ANKRD62: variants seen among roughly 807,000 people sequenced by gnomAD.
ANKRD62 encodes the protein ankyrin repeat domain 62, also known as ankyrin repeat domain-containing protein 62.
A neutral mutation model predicts 98.8 loss-of-function variants in ANKRD62; 61 were observed. The observed-to-expected ratio is 0.62, with a 90% CI of 0.50 to 0.76. The LOEUF (loss-of-function observed/expected upper bound fraction) is 0.76, where lower values mean the gene tolerates loss of function less well. ANKRD62 is among the 30% of genes least tolerant of loss of function. The pLI is 0.00. For missense variants in ANKRD62, 933 were observed against 1,082.9 expected (o/e 0.86, Z 1.94); for synonymous variants, 341 against 367.9 (o/e 0.93, Z 0.84).
Position 12,094,021 on chromosome 18 carries a change from G to A in ANKRD62, c.4G>A (p.Glu2Lys), listed in dbSNP as rs1909107740. Reference sequence around the variant, plus strand: ...GGAGAAGATCTCTGGCTTCAGGATGGAGGTCAGGGGGTCGTTCCTGGCGGC... The same window carrying A: ...GGAGAAGATCTCTGGCTTCAGGATGAAGGTCAGGGGGTCGTTCCTGGCGGC... MEVRGSFLAACR... is the reference protein window; with the variant it reads MKVRGSFLAACR... The change falls in exon 1 of 14, where the codon GAG becomes AAG. Residue 2 changes from glutamate (E) to lysine (K), a missense_variant. Glu to Lys is a moderately conservative substitution (Grantham distance 56). Coordinates refer to ENST00000587848, the MANE Select transcript of ANKRD62 (RefSeq NM_001277333.2). 4.6e-6 allele frequency: 7 copies of A among 1,534,958 alleles called. No homozygotes were observed. Among genetic ancestry groups the A allele is most frequent in the Middle Eastern group, 1.7e-4 (1 of 5,734 alleles).
the ANKRD62 span, among the ~76,000 whole-genome samples, chr18:12,159,802 T>C: frequency 6.6e-6 from 1 of 152,210 alleles, no homozygotes; most frequent in Non-Finnish European, 1.5e-5. Flanking sequence ...GCTTATTATT[T>C]TTTACCATAA....
chr18:12,179,523 T>C, the ANKRD62 span, among the ~76,000 whole-genome samples: 1 of 150,448 alleles, frequency 6.6e-6, no homozygotes, highest in Admixed American at 6.6e-5. Context: ...GGTTTAACTA[T>C]GTCCTTTAAA....
intron 4 of ANKRD62, among the ~76,000 whole-genome samples, chr18:12,097,107 AAT>A (rs763517798): frequency 9.9e-5 from 15 of 152,170 alleles, no homozygotes; most frequent in Non-Finnish European, 2.1e-4. Context: ...AGAGGATAAT[AAT>A]ATATCCTTCC....
At position 12,115,105 on chromosome 18, in the gene ANKRD62, C is replaced by G. The variant is rs1383498978; in HGVS notation, c.1082C>G (p.Ser361Cys). 5 of 1,394,372 alleles carry G rather than the reference C, an allele frequency of 3.6e-6. No individual in the cohort carries two copies. The Admixed American group carries it at 9.3e-5, about 26-fold the overall frequency. The allele number at this position is 1,394,372 out of a possible 1,614,324, so 86.4% of individuals were successfully genotyped here. A position where few individuals can be genotyped will look rare whatever the true frequency, so the allele number is the denominator to read the frequency against. The change falls in exon 9 of 14, where the codon TCT (serine) becomes TGT (cysteine). Residue 361 changes from serine to cysteine, a missense_variant. Ser to Cys is a moderately radical substitution (Grantham distance 112, BLOSUM62 -1). Coordinates refer to ENST00000587848, the MANE Select transcript of ANKRD62 (RefSeq NM_001277333.2). ...TTTTTTAGGCTTGCAAGGAAAACCT[C>G]TAATGAAAAGAGCAAGGTATTATAA... is the stretch of plus-strand genomic sequence containing the variant. ...GEFDRLARKT[S>C]NEKSKVKSQI... is the part of the protein sequence containing the mutation.
chr18:12,102,768 GT>G, intron 6 of ANKRD62: 1 of 999,276 alleles, frequency 1.0e-6, no homozygotes, highest in Non-Finnish European at 1.2e-6. Context: ...TAAGAAGCAG[GT>G]TTAGTGTGTT....
At chr18:12,151,392 G>A in the ANKRD62 span, among the ~76,000 whole-genome samples, 29 of 152,210 alleles carry the variant, frequency 1.9e-4, no homozygotes, top group African/African-American at 6.5e-4. Flanking sequence ...AATTAACAAA[G>A]GTATATGGGA....
intron 1 of ANKRD62, among the ~76,000 whole-genome samples, chr18:12,094,574 G>T (rs2143888756): frequency 7.6e-5 from 1 of 13,162 alleles, no homozygotes; most frequent in Non-Finnish European, 1.5e-4. Context: ...CTGTGGTGGG[G>T]GTAGAGTTGG....
chr18:12,167,660 A>T, the ANKRD62 span, among the ~76,000 whole-genome samples: 3 of 152,168 alleles, frequency 2.0e-5, no homozygotes, highest in Non-Finnish European at 1.5e-5. Flanking sequence ...CAGTAATAGG[A>T]TCACTAGGTC....
intron 6 of ANKRD62, chr18:12,102,466 C>A: frequency 6.9e-6 from 3 of 431,862 alleles, no homozygotes; most frequent in South Asian, 4.3e-5. Context: ...TCCAGAGAAC[C>A]GCCATCTCAT....
At chr18:12,172,137 T>G in the ANKRD62 span, among the ~76,000 whole-genome samples, 7 of 152,338 alleles carry the variant, frequency 4.6e-5, no homozygotes, top group East Asian at 1.2e-3. Flanking sequence ...CCTTCTTCTC[T>G]CAACTCGTCA....
At chr18:12,145,361 C>A in the ANKRD62 span, among the ~76,000 whole-genome samples, 1 of 152,210 alleles carries the variant, frequency 6.6e-6, no homozygotes, top group African/African-American at 2.4e-5. Context: ...GATGTCAGCC[C>A]ATTTCTCCTT....
At chr18:12,118,126 G>A (rs2143922915) in intron 10 of ANKRD62, among the ~76,000 whole-genome samples, 1 of 152,242 alleles carries the variant, frequency 6.6e-6, no homozygotes, top group South Asian at 2.1e-4. Context: ...CATCGTATGG[G>A]TTTGGTCTTA....
At chr18:12,181,338 A>T in the ANKRD62 span, among the ~76,000 whole-genome samples, 9 of 152,220 alleles carry the variant, frequency 5.9e-5, no homozygotes, top group African/African-American at 2.2e-4. Context: ...AAATATGATT[A>T]TTGCAATAGA....
At chr18:12,101,137 T>A (rs1457794541) in intron 6 of ANKRD62, among the ~76,000 whole-genome samples, 1 of 151,134 alleles carries the variant, frequency 6.6e-6, no homozygotes, top group Non-Finnish European at 1.5e-5. Context: ...TGAAAAACAC[T>A]TTTTTTTTGC....
chr18:12,166,638 T>C, the ANKRD62 span, among the ~76,000 whole-genome samples: 1 of 152,150 alleles, frequency 6.6e-6, no homozygotes, highest in Non-Finnish European at 1.5e-5. Context: ...TGGTGCCTTA[T>C]TTAGTTCATT....
the ANKRD62 span, among the ~76,000 whole-genome samples, chr18:12,169,343 G>T: frequency 6.6e-6 from 1 of 152,124 alleles, no homozygotes; most frequent in Non-Finnish European, 1.5e-5. Context: ...TAGCATGAAG[G>T]GCTGTTGAAT....
rs1598729022 is a variant in ANKRD62 at position 12,096,410 on chromosome 18, G to C, written c.614+108G>C. ...TGATAAGATTAACTTATTATTATTG[G>C]GATAGAGAGAAATACCAGCAGAAGT... On this transcript the variant is annotated intron_variant, in intron 4 of 13. Coordinates refer to ENST00000587848, the MANE Select transcript of ANKRD62 (RefSeq NM_001277333.2). The C allele has an allele frequency of 1.9e-5, 12 of 625,476 alleles. No homozygotes were observed. In the East Asian group the frequency reaches 3.7e-4, roughly 19 times the overall value. The allele number at this position is 625,476 out of a possible 1,614,324, so 38.7% of individuals were successfully genotyped here.
chr18:12,115,022 T>C, intron 8 of ANKRD62, 66 bp from the exon 9 acceptor site: 2 of 1,217,550 alleles, frequency 1.6e-6, no homozygotes, highest in South Asian at 2.7e-5. Context: ...AAAAAAGTTT[T>C]AGATATTCTT....
At chr18:12,099,302 T>C (rs1317046142) in intron 5 of ANKRD62, among the ~76,000 whole-genome samples, 1 of 152,232 alleles carries the variant, frequency 6.6e-6, no homozygotes, top group Non-Finnish European at 1.5e-5. Context: ...CTTCATTCTT[T>C]AGAAGAAGAC....
Sources: gnomAD v4.1 joint callset for allele counts (sites outside exome capture counted in the v4.1 genomes callset) on GRCh38, gnomAD v4.1.1 for gene constraint, MANE v1.5 for transcripts, NCBI Gene and HGNC (gene_info 2026-07-23, HGNC 2026-07-21) for gene names.